NOTCH1: variants seen among roughly 807,000 people sequenced by gnomAD.
NOTCH1 encodes notch receptor 1, also known as neurogenic locus notch homolog protein 1.
NOTCH1 carries 37 observed loss-of-function variants against 254.8 expected under a neutral mutation model. That is an observed-to-expected ratio of 0.15 (90% CI 0.11 to 0.19). NOTCH1 has a LOEUF of 0.19. Among genes scored for constraint, NOTCH1 ranks in the 10% least tolerant of loss-of-function variants. The probability of loss-of-function intolerance (pLI) is 1.00; values close to 1 mark genes in which losing one functional copy is unlikely to be tolerated. For synonymous variants in NOTCH1, 1,731 were observed against 1,618.1 expected, an observed-to-expected ratio of 1.07 and a Z score of -1.68; for missense variants, 2,972 against 3,708.6, an observed-to-expected ratio of 0.80 and a Z score of 5.16.
At chr9:136,525,420 G>A (rs1407283424) in intron 2 of NOTCH1, among the ~76,000 whole-genome samples, 3 of 152,232 alleles carry the variant, frequency 2.0e-5, no homozygotes, top group Non-Finnish European at 2.9e-5. Context: ...CCCGCCGGGC[G>A]CCGCTCTTCC....
In NOTCH1 at chr9:136,501,880, C is replaced by T. The variant is rs200100726; in HGVS notation, c.5506G>A (p.Asp1836Asn). The change falls in exon 30 of 34, where the codon GAC becomes AAC. Residue 1836 changes from aspartate to asparagine, a missense_variant. By Grantham distance (23) the Asp-to-Asn change is conservative (BLOSUM62 1). Coordinates refer to ENST00000651671, the MANE Select transcript of NOTCH1 (RefSeq NM_017617.5). Reference sequence around the variant, plus strand: ...GTCCACTGCCGGTGGTCTGTCTGGTCGTCCAGGTCAGGCAGAACCACGGGC... The same window carrying T: ...GTCCACTGCCGGTGGTCTGTCTGGTTGTCCAGGTCAGGCAGAACCACGGGC... ...EEPVVLPDLDDQTDHRQWTQQ... is the reference protein window; with the variant it reads ...EEPVVLPDLDNQTDHRQWTQQ... The T allele has an allele frequency of 1.5e-4, 244 of 1,612,292 alleles. No homozygotes were observed. The African/African-American group carries it at 2.6e-3, about 17-fold the overall frequency.
chr9:136,511,228 G>C lies in NOTCH1; in HGVS notation c.2511C>G (p.Pro837=), dbSNP rs201521828. The C allele has an allele frequency of 1.2e-6, 2 of 1,612,764 alleles. No individual in the cohort carries two copies. The highest frequency in any genetic ancestry group is 1.7e-5 in the Admixed American group (1 of 60,012). ...GCCTGCACTCCCCGCCGTTTCTGCA[G>C]GGGCTGGGGGCACACGGGGCCAGCA... ...EVVLAPCAPS[P]CRNGGECRQS... Residue 837 remains proline (P), a synonymous_variant, in exon 16 of 34, where the codon CCC becomes CCG. Coordinates refer to ENST00000651671, the MANE Select transcript of NOTCH1 (RefSeq NM_017617.5).
chr9:136,509,076 A>G lies in NOTCH1; in HGVS notation c.2970-5T>C. 6.4e-7 allele frequency: 1 copy of G among 1,554,800 alleles called. No homozygotes were observed. Among genetic ancestry groups the G allele is most frequent in the Non-Finnish European group, 8.7e-7 (1 of 1,150,098 alleles). ...GTGCCACCGTTGAAGCAGGAGCTGC[A>G]AGGGGGTGGGCAGGCGGGGGCTGAG... On this transcript the variant is annotated splice_polypyrimidine_tract_variant and splice_region_variant and intron_variant, in intron 18 of 33. Coordinates refer to ENST00000651671, the MANE Select transcript of NOTCH1 (RefSeq NM_017617.5).
Position 136,496,716 on chromosome 9 carries a change from G to A in NOTCH1, c.7023C>T (p.Ser2341=), listed in dbSNP as rs1434410096. 6.2e-7 allele frequency: 1 copy of A among 1,612,748 alleles called. No homozygotes were observed. Among genetic ancestry groups the A allele is most frequent in the Non-Finnish European group, 8.5e-7 (1 of 1,180,016 alleles). ...GCGGGCCTACCATGCCATGCTGCAG[G>A]GAGGGGGCCTGTGTGCTCAGGGGGC... ...APGPLSTQAP[S]LQHGMVGPLH... is the part of the protein sequence containing the mutation. The change falls in exon 34 of 34, where the codon TCC becomes TCT. Residue 2341 remains serine (S), a synonymous_variant. Coordinates refer to ENST00000651671, the MANE Select transcript of NOTCH1 (RefSeq NM_017617.5).
Position 136,497,312 on chromosome 9 carries a change from T to C in NOTCH1, c.6427A>G (p.Asn2143Asp), listed in dbSNP as rs1842932672. 6.2e-7 allele frequency: 1 copy of C among 1,607,328 alleles called. No homozygotes were observed. Among genetic ancestry groups the C allele is most frequent in the Non-Finnish European group, 8.5e-7 (1 of 1,179,724 alleles). Residue 2143 changes from asparagine to aspartate, a missense_variant, in exon 34 of 34, where the codon AAC (asparagine) becomes GAC (aspartate). Coordinates refer to ENST00000651671, the MANE Select transcript of NOTCH1 (RefSeq NM_017617.5). The stretch of plus-strand genomic sequence containing the variant: ...GGCTTGAGGCTGCCCAGGTAGCCGT[T>C]GGGCGAGCAGAGCGGGGGCGACAGG... The part of the protein sequence containing the change: ...PTLSPPLCSP[N>D]GYLGSLKPGV...
In NOTCH1 at chr9:136,517,366, G is replaced by A. The variant is rs754876256; in HGVS notation, c.1461C>T (p.Cys487=). The change falls in exon 9 of 34, where the codon TGC becomes TGT. Residue 487 remains cysteine (C), a synonymous_variant. Transcript: ENST00000651671. ...ICMPGYEGVH[C]EVNTDECASS... is the part of the protein sequence containing the mutation. ...TGGCACACTCGTCTGTGTTGACCTC[G>A]CAGTGCACACCCTCGTAGCCTGTGG... The A allele has an allele frequency of 1.1e-5, 18 of 1,604,560 alleles. No individual in the cohort carries two copies. The highest frequency in any genetic ancestry group is 1.0e-4 in the Admixed American group (6 of 59,284).
chr9:136,498,790 G>T, intron 33 of NOTCH1, 109 bp downstream of exon 33: 1 of 1,326,432 alleles, frequency 7.5e-7, no homozygotes, highest in Non-Finnish European at 1.1e-6. Context: ...AGCGACCCTC[G>T]AGACCCTGTG....
chr9:136,543,516 C>T lies in NOTCH1; in HGVS notation c.140+508G>A, dbSNP rs76427111. 53 of 306,296 alleles carry T rather than the reference C, an allele frequency of 1.7e-4. No individual in the cohort carries two copies. The East Asian group carries it at 5.6e-3, about 32-fold the overall frequency. 19.0% of individuals were successfully genotyped at this position (306,296 alleles called of 1,614,324 possible). Reference sequence around the variant, plus strand: ...GCACCCAGAGGAGGCATCACCCGCCCAGGAGGTGGCATCACCTGTGCCAGA... The same window carrying T: ...GCACCCAGAGGAGGCATCACCCGCCTAGGAGGTGGCATCACCTGTGCCAGA... On this transcript the variant is annotated intron_variant, in intron 2 of 33. Transcript: ENST00000651671.
At position 136,513,322 on chromosome 9, in the gene NOTCH1, C is replaced by T. The variant is rs1462082793; in HGVS notation, c.2353+70G>A. The T allele has an allele frequency of 1.1e-5, 17 of 1,605,422 alleles. No individual in the cohort carries two copies. Among genetic ancestry groups the T allele is most frequent in the South Asian group, 4.4e-5 (4 of 90,660 alleles). Reference sequence around the variant, plus strand: ...CATGGTGCTGGCTGGACCTGGGTCCCGATCCTGTGTCTCCAGCTCCCCAGA... The same window carrying T: ...CATGGTGCTGGCTGGACCTGGGTCCTGATCCTGTGTCTCCAGCTCCCCAGA... On this transcript the variant is annotated intron_variant, in intron 14 of 33. Coordinates refer to ENST00000651671, the MANE Select transcript of NOTCH1 (RefSeq NM_017617.5). The surrounding 1 kb of genome is among the most constrained non-coding windows in gnomAD (Gnocchi z 4.7).
chr9:136,507,285 C>T lies in NOTCH1; in HGVS notation c.3643+20G>A. 3 of 1,612,822 alleles carry T rather than the reference C, an allele frequency of 1.9e-6. No individual in the cohort carries two copies. Among genetic ancestry groups the T allele is most frequent in the Non-Finnish European group, 2.5e-6 (3 of 1,179,872 alleles). ...TGGCCATGGATGGCCAACACCAGCCCTCCGTGCAGCGGCCCTTACCCTGAG... is the reference window on the plus strand; with the variant it reads ...TGGCCATGGATGGCCAACACCAGCCTTCCGTGCAGCGGCCCTTACCCTGAG... On this transcript the variant is annotated intron_variant, in intron 22 of 33. Transcript: ENST00000651671.
In NOTCH1 at chr9:136,515,548, C is replaced by T. The variant is rs369522885; in HGVS notation, c.1838G>A (p.Arg613His). Residue 613 changes from arginine to histidine, a missense_variant, in exon 11 of 34, where the codon CGC (arginine) becomes CAC (histidine). Coordinates refer to ENST00000651671, the MANE Select transcript of NOTCH1 (RefSeq NM_017617.5). The part of the protein sequence containing the change: ...NINECSSQPC[R>H]HGGTCQDRDN... The stretch of plus-strand genomic sequence containing the variant: ...GCGGTCCTGGCAGGTGCCCCCGTGG[C>T]GGCAGGGCTGGCTGGAGCACTCGTT... 5.6e-6 allele frequency: 9 copies of T among 1,611,442 alleles called. No homozygotes were observed. The highest frequency in any genetic ancestry group is 2.2e-5 in the East Asian group (1 of 44,862).
At chr9:136,525,065 T>C (rs557484670) in intron 2 of NOTCH1, among the ~76,000 whole-genome samples, 2 of 152,316 alleles carry the variant, frequency 1.3e-5, no homozygotes, top group African/African-American at 4.8e-5. Context: ...CACGTTTCCC[T>C]TTCGGCATTG....
In NOTCH1 at chr9:136,510,711, G is replaced by A. The variant is rs1218258911; in HGVS notation, c.2682C>T (p.His894=). 8.1e-6 allele frequency: 13 copies of A among 1,609,314 alleles called. No homozygotes were observed. The highest frequency in any genetic ancestry group is 1.1e-5 in the Non-Finnish European group (13 of 1,179,566). ...TGCGCCCACTGTAGCCGGCCTGGCA[G>A]TGGCAGCGGTAGCCGCCGTGGGTGT... is the stretch of plus-strand genomic sequence containing the variant. ...CQNTHGGYRC[H]CQAGYSGRNC... is the part of the protein sequence containing the mutation. The change falls in exon 17 of 34, where the codon CAC becomes CAT. Residue 894 remains histidine, a synonymous_variant. Coordinates refer to ENST00000651671, the MANE Select transcript of NOTCH1 (RefSeq NM_017617.5).
At chr9:136,541,867 G>C (rs1198075455) in intron 2 of NOTCH1, among the ~76,000 whole-genome samples, 4 of 152,222 alleles carry the variant, frequency 2.6e-5, no homozygotes, top group Non-Finnish European at 4.4e-5. Flanking sequence ...GGACTTGTGG[G>C]GTGTGCACAA....
At chr9:136,510,905 G>A (rs760519750) in intron 16 of NOTCH1, 100 bp from the exon 17 acceptor site, 13 of 1,542,848 alleles carry the variant, frequency 8.4e-6, no homozygotes, top group African/African-American at 2.7e-5. Flanking sequence ...CCCGACCCAG[G>A]AGTAGGCTTC....
chr9:136,496,865 C>T lies in NOTCH1; in HGVS notation c.6874G>A (p.Gly2292Arg). Residue 2292 changes from glycine (G) to arginine (R), a missense_variant, in exon 34 of 34, where the codon GGG becomes AGG. Coordinates refer to ENST00000651671, the MANE Select transcript of NOTCH1 (RefSeq NM_017617.5). ...TSTVLGSSSGGALNFTVGGST... is the reference protein window; with the variant it reads ...TSTVLGSSSGRALNFTVGGST... Reference sequence around the variant, plus strand: ...CCGCCCACAGTGAAATTCAGGGCCCCTCCGCTGCTGGAGCCCAGGACGGTG... The same window carrying T: ...CCGCCCACAGTGAAATTCAGGGCCCTTCCGCTGCTGGAGCCCAGGACGGTG... The T allele has an allele frequency of 3.1e-6, 5 of 1,612,916 alleles. No homozygotes were observed. The highest frequency in any genetic ancestry group is 2.2e-5 in the South Asian group (2 of 91,090).
At chr9:136,538,112 T>C (rs753587775) in intron 2 of NOTCH1, among the ~76,000 whole-genome samples, 2 of 152,124 alleles carry the variant, frequency 1.3e-5, no homozygotes, top group Non-Finnish European at 2.9e-5. Context: ...AATTTTGTAA[T>C]ATGAATAAGT....
At chr9:136,535,511 AGTGG>A in intron 2 of NOTCH1, among the ~76,000 whole-genome samples, 2 of 16,596 alleles carry the variant, frequency 1.2e-4, no homozygotes, top group South Asian at 5.9e-3. Flanking sequence ...GCAGGGTGGG[AGTGG>A]GTGGAGGGGG....
rs1564192004 is a variant in NOTCH1 at position 136,506,881 on chromosome 9, C to T, written c.3736G>A (p.Asp1246Asn). ...GTGCAGCTGTAGCCGCCCACCTGGT[C>T]CACGCAGGTGCCGTTGTTAAAGCAC... ...PKCFNNGTCV[D>N]QVGGYSCTCP... Residue 1246 changes from aspartate to asparagine, a missense_variant, in exon 23 of 34, where the codon GAC becomes AAC. Physicochemically the swap from Asp to Asn is conservative, Grantham distance 23. Around this residue, in one of 8 missense-constraint regions of NOTCH1, gnomAD observed 1,343 missense variants for 1,557.0 expected, o/e 0.86. Transcript: ENST00000651671. This position sits in a 1 kb window ranked among gnomAD's most constrained non-coding sequence, Gnocchi z 4.5. The T allele has an allele frequency of 2.5e-6, 4 of 1,611,568 alleles. No individual in the cohort carries two copies. Among genetic ancestry groups the T allele is most frequent in the Non-Finnish European group, 3.4e-6 (4 of 1,179,364 alleles).
Sources: gnomAD v4.1 joint callset for allele counts (sites outside exome capture counted in the v4.1 genomes callset) on GRCh38, gnomAD v4.1.1 for gene constraint, gnomAD v4.1.1 regional missense constraint, Gnocchi (gnomAD v3.1) non-coding constraint, MANE v1.5 for transcripts, NCBI Gene and HGNC (gene_info 2026-07-23, HGNC 2026-07-21) for gene names.